The following MTHFD2L variants were observed in gnomAD, a reference collection of about 807,000 sequenced individuals.
MTHFD2L encodes the protein bifunctional methylenetetrahydrofolate dehydrogenase/cyclohydrolase 2, mitochondrial.
A neutral mutation model predicts 34.9 loss-of-function variants in MTHFD2L; 29 were observed. That is an observed-to-expected ratio of 0.83 (90% CI 0.62 to 1.13). The LOEUF is 1.13. MTHFD2L is among the 50% of genes most tolerant of loss of function. The probability of loss-of-function intolerance (pLI) is 0.00; values close to 1 mark genes in which losing one functional copy is unlikely to be tolerated. For synonymous variants in MTHFD2L, 167 were observed against 155.7 expected (o/e 1.07, Z -0.54); for missense variants, 481 against 446.5 (o/e 1.08, Z -0.70).
At chr4:74,151,802 C>A (rs58759445) in intron 1 of MTHFD2L, among the ~76,000 whole-genome samples, 2 of 152,134 alleles carry the variant, frequency 1.3e-5, no homozygotes, top group African/African-American at 4.8e-5. Context: ...TAATTCAAGT[C>A]TTTGCATACA....
intron 7 of MTHFD2L, among the ~76,000 whole-genome samples, chr4:74,290,991 A>G (rs369141563): frequency 1.9e-5 from 1 of 51,450 alleles, no homozygotes; most frequent in East Asian, 6.0e-4. Context: ...TCTTACATTT[A>G]TTTTTCCTTT....
chr4:74,167,747 C>T lies in MTHFD2L; in HGVS notation c.144-6759C>T, dbSNP rs561228113. Among the ~76,000 whole-genome samples the T allele has an allele frequency of 3.9e-5, 6 of 152,284 alleles. No individual in the cohort carries two copies. In the East Asian group the frequency reaches 9.6e-4, roughly 24 times the overall value. The stretch of plus-strand genomic sequence containing the variant: ...GTGCAGTTCATGAATTAAAATATGA[C>T]TGGTGTGTAGTGCGCGACTCACTAA... On this transcript the variant is annotated intron_variant, in intron 1 of 7. Transcript: ENST00000325278.
intron 7 of MTHFD2L, among the ~76,000 whole-genome samples, chr4:74,293,898 A>T (rs536585354): frequency 1.3e-5 from 2 of 152,206 alleles, no homozygotes; most frequent in African/African-American, 4.8e-5. Flanking sequence ...TACTTCAAGC[A>T]TTTAATTTAG....
intron 5 of MTHFD2L, among the ~76,000 whole-genome samples, chr4:74,217,156 C>A (rs1737339253): frequency 6.6e-6 from 1 of 151,800 alleles, no homozygotes; most frequent in Admixed American, 6.6e-5. Context: ...AGTGTCTTTT[C>A]ACCTGGTTTC....
intron 5 of MTHFD2L, among the ~76,000 whole-genome samples, chr4:74,202,696 A>G (rs1341156528): frequency 6.6e-6 from 1 of 152,156 alleles, no homozygotes; most frequent in Non-Finnish European, 1.5e-5. Context: ...TGTGTTAGAG[A>G]CGTGTTGTAC....
intron 3 of MTHFD2L, among the ~76,000 whole-genome samples, chr4:74,179,578 A>G (rs1729712832): frequency 6.6e-6 from 1 of 152,042 alleles, no homozygotes; most frequent in East Asian, 1.9e-4. Context: ...TGGCTTTGTG[A>G]TTTACTGACC....
At chr4:74,119,679 A>C (rs1431159712), upstream of MTHFD2L, among the ~76,000 whole-genome samples, 1 of 152,120 alleles carries the variant, frequency 6.6e-6, no homozygotes, top group East Asian at 1.9e-4. Flanking sequence ...GCTACTCAGG[A>C]GGCTGAAGCA....
intron 3 of MTHFD2L, among the ~76,000 whole-genome samples, chr4:74,179,872 G>A (rs1156969864): frequency 6.6e-6 from 1 of 152,018 alleles, no homozygotes; most frequent in Non-Finnish European, 1.5e-5. Flanking sequence ...TTCATTGCCT[G>A]TAATTTTCAG....
At chr4:74,293,538 C>G in intron 7 of MTHFD2L, 8 of 983,832 alleles carry the variant, frequency 8.1e-6, no homozygotes, top group Non-Finnish European at 9.7e-6. Context: ...TTGTGGAAAC[C>G]TCAAGATTCA....
intron 6 of MTHFD2L, among the ~76,000 whole-genome samples, chr4:74,234,754 A>T (rs1445945995): frequency 6.6e-6 from 1 of 151,834 alleles, no homozygotes; most frequent in African/African-American, 2.4e-5. Flanking sequence ...AGATACATGT[A>T]TGTATGTATA....
intron 6 of MTHFD2L, among the ~76,000 whole-genome samples, chr4:74,269,126 A>G (rs1356890216): frequency 6.6e-6 from 1 of 152,210 alleles, no homozygotes; most frequent in African/African-American, 2.4e-5. Context: ...TAGATAAATC[A>G]GAAATCTTCT....
chr4:74,164,205 G>T (rs910210441), intron 1 of MTHFD2L, among the ~76,000 whole-genome samples: 1 of 152,124 alleles, frequency 6.6e-6, no homozygotes, highest in Non-Finnish European at 1.5e-5. Flanking sequence ...GAGATAAAAT[G>T]GTTCATTGCA....
chr4:74,242,158 C>CA (rs1741812997), intron 6 of MTHFD2L: 1 of 149,416 alleles, frequency 6.7e-6, no homozygotes, highest in South Asian at 2.1e-4. Flanking sequence ...CTATAATTAT[C>CA]AAAAAATGAC....
chr4:74,200,000 T>A, intron 4 of MTHFD2L, 54 bp downstream of exon 4: 1 of 1,572,054 alleles, frequency 6.4e-7, no homozygotes, highest in East Asian at 2.2e-5. Context: ...GCTGAGCCTT[T>A]GTGCACTGAG....
chr4:74,279,046 A>G (rs981321136), intron 6 of MTHFD2L, among the ~76,000 whole-genome samples: 11 of 152,236 alleles, frequency 7.2e-5, no homozygotes, highest in Admixed American at 6.5e-4. Context: ...AAAGTTTTCT[A>G]AAATTTGATG....
chr4:74,182,466 A>C (rs1429639685), intron 3 of MTHFD2L, among the ~76,000 whole-genome samples: 2 of 152,200 alleles, frequency 1.3e-5, no homozygotes, highest in Admixed American at 6.5e-5. Context: ...TGCATATTTT[A>C]TAACTTGAAT....
chr4:74,266,244 T>C (rs553740382), intron 6 of MTHFD2L, among the ~76,000 whole-genome samples: 12 of 152,198 alleles, frequency 7.9e-5, no homozygotes, highest in Non-Finnish European at 1.8e-4. Context: ...CATTTAGTTT[T>C]CACTATTATG....
rs984263805 is a variant in MTHFD2L, at chr4:74,222,476, C to T, written c.713-2826C>T. Among the ~76,000 whole-genome samples the T allele has an allele frequency of 2.6e-5, 4 of 152,016 alleles. No homozygotes were observed. In the East Asian group the frequency reaches 7.7e-4, roughly 29 times the overall value. On this transcript the variant is annotated intron_variant, in intron 5 of 7. Coordinates refer to ENST00000325278, the MANE Select transcript of MTHFD2L (RefSeq NM_001144978.3). ...CACTCCTGCAATAACAGCATGAATC[C>T]ATTCATGAGGGCAGAGGACTGGTGT...
chr4:74,246,726 T>A (rs1299170217), intron 6 of MTHFD2L, among the ~76,000 whole-genome samples: 14 of 152,202 alleles, frequency 9.2e-5, no homozygotes, highest in African/African-American at 3.4e-4. Flanking sequence ...CACCATTTAT[T>A]AAATAGGGAA....
Sources: allele counts gnomAD v4.1 joint callset (sites outside exome capture counted in the v4.1 genomes callset), GRCh38; gene constraint gnomAD v4.1.1; transcripts MANE v1.5; gene names NCBI Gene and HGNC (gene_info 2026-07-23, HGNC 2026-07-21).